Variants in HMG20B observed in about 807,000 individuals in gnomAD.
HMG20B encodes the protein SWI/SNF-related matrix-associated actin-dependent regulator of chromatin subfamily E member 1-related.
A neutral mutation model predicts 41.6 loss-of-function variants in HMG20B; 24 were observed. The observed-to-expected ratio is 0.58, with a 90% CI of 0.42 to 0.81. The LOEUF (loss-of-function observed/expected upper bound fraction) is 0.81, where lower values mean the gene tolerates loss of function less well. Among genes scored for constraint, HMG20B ranks in the 30% least tolerant of loss-of-function variants. HMG20B has a pLI of 0.00. For missense variants in HMG20B, 461 were observed against 444.0 expected, an observed-to-expected ratio of 1.04 and a Z score of -0.34; for synonymous variants, 251 against 186.6, an observed-to-expected ratio of 1.34 and a Z score of -2.81.
rs752735057 is a variant in HMG20B, at chr19:3,578,673, A to G, written c.*152A>G. On this transcript the variant is annotated 3_prime_UTR_variant, in exon 10 of 10. Coordinates refer to ENST00000333651, the MANE Select transcript of HMG20B (RefSeq NM_006339.3). Reference sequence around the variant, plus strand: ...AGCCCCCCTAAAATTAAATTTCTGCAGCATCCCTTTAGCTTTCAATCTCCC... The same window carrying G: ...AGCCCCCCTAAAATTAAATTTCTGCGGCATCCCTTTAGCTTTCAATCTCCC... The G allele has an allele frequency of 9.8e-7, 1 of 1,019,124 alleles. No individual in the cohort carries two copies. Among genetic ancestry groups the G allele is most frequent in the Non-Finnish European group, 1.5e-6 (1 of 665,398 alleles). 63.1% of individuals were successfully genotyped at this position (1,019,124 alleles called of 1,614,324 possible).
intron 7 of HMG20B, 26 bp downstream of exon 7, chr19:3,576,651 C>T (rs1462483843): frequency 3.8e-6 from 6 of 1,592,282 alleles, no homozygotes; most frequent in Admixed American, 1.7e-5. Context: ...GCTCCTGATG[C>T]GAACTCCGTG....
rs929226681 is a variant in HMG20B, at chr19:3,577,163, CCCCCCCCCTCCTCCCTT to C, written c.808+63_808+79del. 1.3e-5 allele frequency: 6 copies of C among 464,074 alleles called. No homozygotes were observed. In the Admixed American group the frequency reaches 3.5e-4, roughly 27 times the overall value. 28.7% of individuals were successfully genotyped at this position (464,074 alleles called of 1,614,324 possible). A position where few individuals can be genotyped will look rare whatever the true frequency, so the allele number is the denominator to read the frequency against. On this transcript the variant is annotated intron_variant, in intron 8 of 9. Coordinates refer to ENST00000333651, the MANE Select transcript of HMG20B (RefSeq NM_006339.3). Reference sequence around the variant, plus strand: ...CCCGGTCACCCGGCCCCGCCCGCCTCCCCCCCCCTCCTCCCTTCCCCCCTTCCCCTGTCGCCCGGCGC... The same window carrying C: ...CCCGGTCACCCGGCCCCGCCCGCCTCCCCCCCTTCCCCTGTCGCCCGGCGC...
At chr19:3,575,429 A>G (rs1469903796) in intron 4 of HMG20B, 111 bp from the exon 5 acceptor site, 31 of 1,497,284 alleles carry the variant, frequency 2.1e-5, no homozygotes, top group Non-Finnish European at 2.8e-5. Context: ...GGGAATAGGG[A>G]GCTATAGAAG....
At chr19:3,578,186 C>T in intron 9 of HMG20B, 73 bp downstream of exon 9, 2 of 1,562,604 alleles carry the variant, frequency 1.3e-6, no homozygotes, top group African/African-American at 1.3e-5. Context: ...TTCCCCAGGT[C>T]CGCGAGGGCT....
At chr19:3,573,551 C>A in intron 2 of HMG20B, 141 bp from the exon 3 acceptor site, 1 of 910,272 alleles carries the variant, frequency 1.1e-6, no homozygotes, top group Non-Finnish European at 1.6e-6. Flanking sequence ...TCCCCGGATA[C>A]TGACCCCATC....
At position 3,576,470 on chromosome 19, in the gene HMG20B, G is replaced by T; in HGVS notation, c.520-83G>T. On this transcript the variant is annotated intron_variant, in intron 6 of 9. Transcript: ENST00000333651. ...GTACTCCCACCGGGGTGTCCCAGGA[G>T]ACCCTCCTAGGCTTGGGGCACACCC... is the stretch of plus-strand genomic sequence containing the variant. 1.4e-6 allele frequency: 2 copies of T among 1,404,716 alleles called. 1 individual carries two copies. The highest frequency in any genetic ancestry group is 2.0e-6 in the Non-Finnish European group (2 of 999,280). 87.0% of individuals were successfully genotyped at this position (1,404,716 alleles called of 1,614,324 possible).
At chr19:3,575,471 G>A (rs1390523681) in intron 4 of HMG20B, 69 bp from the exon 5 acceptor site, 1 of 1,546,498 alleles carries the variant, frequency 6.5e-7, no homozygotes, top group Non-Finnish European at 8.7e-7. Flanking sequence ...TGTGAAAGCA[G>A]AGTGATAAAG....
rs2032166433 is a variant in HMG20B, at chr19:3,576,584, A to T, written c.551A>T (p.Asp184Val). ...GGDCDGFSTF[D>V]VPIFTEEFLD... ...GACTGCGATGGCTTCTCCACCTTCG[A>T]TGTTCCCATCTTCACTGAAGAGTTC... Residue 184 changes from aspartate to valine, a missense_variant, in exon 7 of 10, where the codon GAT (aspartate) becomes GTT (valine). Coordinates refer to ENST00000333651, the MANE Select transcript of HMG20B (RefSeq NM_006339.3). The T allele has an allele frequency of 6.2e-7, 1 of 1,613,644 alleles. No homozygotes were observed. The highest frequency in any genetic ancestry group is 1.1e-5 in the South Asian group (1 of 91,006).
At position 3,573,720 on chromosome 19, in the gene HMG20B, C is replaced by G; in HGVS notation, c.67C>G (p.His23Asp). ...APAGGKAPGQ[H>D]GGFVVTVKQE... ...GGCGGGCGGCAAGGCTCCGGGCCAG[C>G]ATGGGGGCTTCGTGGTGACTGTCAA... The change falls in exon 3 of 10, where the codon CAT becomes GAT. Residue 23 changes from histidine to aspartate, a missense_variant. This residue lies in a region of HMG20B where 104 missense variants were observed against 76.5 expected (regional missense o/e 1.36). Coordinates refer to ENST00000333651, the MANE Select transcript of HMG20B (RefSeq NM_006339.3). 2 of 1,526,870 alleles carry G rather than the reference C, an allele frequency of 1.3e-6. No homozygotes were observed. Among genetic ancestry groups the G allele is most frequent in the African/African-American group, 1.4e-5 (1 of 71,100 alleles). 94.6% of individuals were successfully genotyped at this position (1,526,870 alleles called of 1,614,324 possible).
At chr19:3,576,073 T>A (rs968723161) in intron 5 of HMG20B, 188 bp from the exon 6 acceptor site, 1 of 619,068 alleles carries the variant, frequency 1.6e-6, no homozygotes, top group Non-Finnish European at 2.9e-6. Flanking sequence ...GTCCCGTGGG[T>A]TGGGCGGGGG....
At position 3,572,953 on chromosome 19, in the gene HMG20B, G is replaced by T; in HGVS notation, c.-60G>T. 1 of 245,928 alleles carries T rather than the reference G, an allele frequency of 4.1e-6. No homozygotes were observed. Among genetic ancestry groups the T allele is most frequent in the South Asian group, 1.1e-4 (1 of 9,330 alleles). 15.2% of individuals were successfully genotyped at this position (245,928 alleles called of 1,614,324 possible). On this transcript the variant is annotated 5_prime_UTR_variant, in exon 1 of 10. Coordinates refer to ENST00000333651, the MANE Select transcript of HMG20B (RefSeq NM_006339.3). The stretch of plus-strand genomic sequence containing the variant: ...GGGGCGGGCTGCGGGCGGTTGGTTG[G>T]AGCGTCGCGCAGTCGGGAGGTCCGG...
chr19:3,573,861 C>A, intron 3 of HMG20B, 61 bp downstream of exon 3: 1 of 1,427,568 alleles, frequency 7.0e-7, no homozygotes, highest in Non-Finnish European at 9.7e-7. Context: ...CTCGAAGCCC[C>A]GCCCCAGGCT....
intron 4 of HMG20B, 32 bp downstream of exon 4, chr19:3,574,618 C>T: frequency 1.9e-6 from 3 of 1,540,760 alleles, no homozygotes; most frequent in Non-Finnish European, 2.6e-6. Context: ...GCAGGGCTGG[C>T]GGGGTCCACG....
intron 1 of HMG20B, 138 bp from the exon 2 acceptor site, chr19:3,573,154 C>T: frequency 1.6e-6 from 1 of 637,984 alleles, no homozygotes; most frequent in Non-Finnish European, 2.5e-6. Flanking sequence ...CCCTCGAGGA[C>T]TTCCCTGCCC....
rs1185672002 is a variant in HMG20B at position 3,576,578 on chromosome 19, C to T, written c.545C>T (p.Thr182Ile). Residue 182 changes from threonine (T) to isoleucine (I), a missense_variant, in exon 7 of 10, where the codon ACC becomes ATC. Physicochemically the swap from Thr to Ile is moderately conservative, Grantham distance 89. Coordinates refer to ENST00000333651, the MANE Select transcript of HMG20B (RefSeq NM_006339.3). ...HKGGDCDGFSTFDVPIFTEEF... is the reference protein window; with the variant it reads ...HKGGDCDGFSIFDVPIFTEEF... ...GGTGGGGACTGCGATGGCTTCTCCA[C>T]CTTCGATGTTCCCATCTTCACTGAA... 6.2e-7 allele frequency: 1 copy of T among 1,613,642 alleles called. No homozygotes were observed. Among genetic ancestry groups the T allele is most frequent in the Admixed American group, 1.7e-5 (1 of 59,956 alleles).
chr19:3,574,689 C>T, intron 4 of HMG20B, 103 bp downstream of exon 4: 13 of 1,086,188 alleles, frequency 1.2e-5, no homozygotes, highest in South Asian at 1.6e-5. Flanking sequence ...TTCCTTCTTC[C>T]TGGAGAAATG....
Position 3,577,951 on chromosome 19 carries a change from C to T in HMG20B, c.809-30C>T, listed in dbSNP as rs753795706. ...CCCCCGCCCCGCGACTCCCCGGCACCCTCGCCTGACCTTCCCGCCTGTCCC... is the reference window on the plus strand; with the variant it reads ...CCCCCGCCCCGCGACTCCCCGGCACTCTCGCCTGACCTTCCCGCCTGTCCC... On this transcript the variant is annotated intron_variant, in intron 8 of 9. Transcript: ENST00000333651. The T allele has an allele frequency of 6.8e-5, 105 of 1,554,606 alleles. No individual in the cohort carries two copies. The Admixed American group carries it at 8.9e-4, about 13-fold the overall frequency.
chr19:3,578,225 G>A, intron 9 of HMG20B, 112 bp downstream of exon 9: 1 of 1,439,336 alleles, frequency 6.9e-7, no homozygotes, highest in Non-Finnish European at 9.4e-7. Context: ...GCTTACTAGA[G>A]ATCACCTCCC....
chr19:3,576,185 C>T, intron 5 of HMG20B, 76 bp from the exon 6 acceptor site: 3 of 1,339,512 alleles, frequency 2.2e-6, no homozygotes, highest in Non-Finnish European at 2.1e-6. Context: ...GCCGGCTGAG[C>T]AGCGCTGACC....
Sources: gnomAD v4.1 joint callset for allele counts on GRCh38, gnomAD v4.1.1 for gene constraint, gnomAD v4.1.1 regional missense constraint, MANE v1.5 for transcripts, NCBI Gene and HGNC (gene_info 2026-07-23, HGNC 2026-07-21) for gene names.